SCAMP1: variants seen among roughly 807,000 people sequenced by gnomAD.
The protein encoded by SCAMP1 is secretory carrier membrane protein 1, also known as secretory carrier-associated membrane protein 1.
SCAMP1 carries 15 observed loss-of-function variants against 41.8 expected under a neutral mutation model. The ratio of observed to expected loss-of-function variants is 0.36; its 90% CI spans 0.24 to 0.55. The LOEUF (loss-of-function observed/expected upper bound fraction) is 0.55. Ranked by LOEUF, SCAMP1 falls within the 20% of genes least tolerant of loss-of-function variation. SCAMP1 has a pLI of 0.86. For missense variants in SCAMP1, 341 were observed against 412.6 expected, an observed-to-expected ratio of 0.83 and a Z score of 1.50; for synonymous variants, 135 against 136.8, an observed-to-expected ratio of 0.99 and a Z score of 0.09.
chr5:78,451,731 C>T (rs1753236105), intron 7 of SCAMP1, among the ~76,000 whole-genome samples: 1 of 152,202 alleles, frequency 6.6e-6, no homozygotes, highest in African/African-American at 2.4e-5. Context: ...GATCTCAGCT[C>T]ACTGCCTCCA....
chr5:78,433,388 A>G (rs1041805316), intron 6 of SCAMP1, among the ~76,000 whole-genome samples: 18 of 152,104 alleles, frequency 1.2e-4, no homozygotes, highest in Admixed American at 2.6e-4. Flanking sequence ...GTGAGATGGG[A>G]TAGCAAATCC....
chr5:78,469,851 C>T (rs1307088814), intron 8 of SCAMP1, among the ~76,000 whole-genome samples: 1 of 118,350 alleles, frequency 8.4e-6, no homozygotes, highest in Non-Finnish European at 1.7e-5. Context: ...TCAGCCTGGG[C>T]AACATAATGA....
In SCAMP1 at chr5:78,475,258, G is replaced by T. The variant is rs184772913; in HGVS notation, c.853-246G>T. 2.8e-3 allele frequency among the ~76,000 whole-genome samples: 428 copies of T among 152,136 alleles called. 12 individuals carry two copies. Among genetic ancestry groups the T allele is most frequent in the Non-Finnish European group, 7.8e-4 (53 of 68,004 alleles). ...ACAACTTTTTGAAGTTGGCTAAGAA[G>T]TTCTTTATTTTTGGTTTAAATTAGC... is the stretch of plus-strand genomic sequence containing the variant. On this transcript the variant is annotated intron_variant, in intron 8 of 8. Coordinates refer to ENST00000621999, the MANE Select transcript of SCAMP1 (RefSeq NM_004866.6).
At chr5:78,454,360 A>C (rs375813863) in intron 7 of SCAMP1, among the ~76,000 whole-genome samples, 3 of 152,292 alleles carry the variant, frequency 2.0e-5, no homozygotes, top group African/African-American at 7.2e-5. Flanking sequence ...ACGTCCCATC[A>C]ATACCTAATT....
chr5:78,430,148 A>G (rs199830256), intron 6 of SCAMP1, among the ~76,000 whole-genome samples: 5,233 of 20,958 alleles, frequency 0.25, 424 homozygotes, highest in East Asian at 0.43. Context: ...TACAGTATTT[A>G]TTTATAAATA....
At chr5:78,367,396 T>C (rs1750824642) in intron 1 of SCAMP1, among the ~76,000 whole-genome samples, 1 of 152,188 alleles carries the variant, frequency 6.6e-6, no homozygotes. Context: ...GTGGCTTCAG[T>C]CACCTGGTTT....
chr5:78,361,744 A>C (rs895880404), intron 1 of SCAMP1, among the ~76,000 whole-genome samples: 4 of 152,266 alleles, frequency 2.6e-5, no homozygotes, highest in African/African-American at 9.6e-5. Flanking sequence ...GGCCATGTGC[A>C]GTAGTAACTT....
rs1346847250 is a variant in SCAMP1 at position 78,390,827 on chromosome 5, G to A, written c.135+1913G>A. Among the ~76,000 whole-genome samples the A allele has an allele frequency of 5.5e-3, 831 of 149,862 alleles. 9 individuals carry two copies. The highest frequency in any genetic ancestry group is 0.019 in the African/African-American group (785 of 40,614). On this transcript the variant is annotated intron_variant, in intron 2 of 8. Coordinates refer to ENST00000621999, the MANE Select transcript of SCAMP1 (RefSeq NM_004866.6). ...TTCCGCAGTGTTTGTGTCCCTGGGT[G>A]CTTGAGATTAGGGAGTGGTGATGAC...
intron 2 of SCAMP1, among the ~76,000 whole-genome samples, chr5:78,399,014 T>G (rs1323747311): frequency 6.6e-6 from 1 of 152,214 alleles, no homozygotes; most frequent in Non-Finnish European, 1.5e-5. Flanking sequence ...ACTAATCTTT[T>G]TACTGTCTCC....
chr5:78,369,514 A>G (rs1750891627), intron 1 of SCAMP1, among the ~76,000 whole-genome samples: 1 of 152,240 alleles, frequency 6.6e-6, no homozygotes, highest in South Asian at 2.1e-4. Flanking sequence ...ACAGATCACC[A>G]TAGCAGACAT....
chr5:78,451,941 T>C (rs1351106838), intron 7 of SCAMP1, among the ~76,000 whole-genome samples: 2 of 152,186 alleles, frequency 1.3e-5, no homozygotes, highest in Non-Finnish European at 2.9e-5. Flanking sequence ...AAGCGTGAGC[T>C]ACCATGTCTG....
intron 2 of SCAMP1, among the ~76,000 whole-genome samples, chr5:78,389,473 T>TC (rs1751433216): frequency 6.6e-6 from 1 of 152,184 alleles, no homozygotes; most frequent in African/African-American, 2.4e-5. Context: ...TCTTCTATGT[T>TC]CCCCAGGCTG....
At chr5:78,415,061 C>G (rs953044892) in intron 2 of SCAMP1, among the ~76,000 whole-genome samples, 1 of 151,468 alleles carries the variant, frequency 6.6e-6, no homozygotes. Context: ...TCAAGTGATT[C>G]TCCTGCCTCA....
chr5:78,474,920 T>A (rs370574799), intron 8 of SCAMP1, among the ~76,000 whole-genome samples: 2 of 152,192 alleles, frequency 1.3e-5, no homozygotes, highest in African/African-American at 4.8e-5. Context: ...GGAGAAACAA[T>A]TCCCAGAAGT....
At chr5:78,449,476 G>C (rs1220609570) in intron 6 of SCAMP1, among the ~76,000 whole-genome samples, 1 of 152,184 alleles carries the variant, frequency 6.6e-6, no homozygotes, top group African/African-American at 2.4e-5. Context: ...ACAGTGGGTA[G>C]GGTGGGGCTA....
intron 6 of SCAMP1, among the ~76,000 whole-genome samples, chr5:78,446,070 C>A (rs763661970): frequency 3.3e-5 from 5 of 152,062 alleles, no homozygotes; most frequent in Admixed American, 6.6e-5. Context: ...TGCTTAATAT[C>A]TTTTATTTAG....
chr5:78,443,208 G>C (rs1752969412), intron 6 of SCAMP1, among the ~76,000 whole-genome samples: 2 of 77,268 alleles, frequency 2.6e-5, no homozygotes, highest in Non-Finnish European at 4.5e-5. Context: ...GCTAGACTCT[G>C]TCTCAAAAAA....
intron 1 of SCAMP1, among the ~76,000 whole-genome samples, chr5:78,369,573 C>T (rs374102597): frequency 3.9e-5 from 6 of 152,120 alleles, no homozygotes; most frequent in South Asian, 4.1e-4. Context: ...CGTAGTGTGA[C>T]GCTAGAGATG....
chr5:78,391,859 T>C (rs1022451133), intron 2 of SCAMP1, among the ~76,000 whole-genome samples: 4 of 151,970 alleles, frequency 2.6e-5, no homozygotes, highest in Non-Finnish European at 5.9e-5. Context: ...ATACAAAAAC[T>C]GGTCAGGCGT....
Sources: allele counts gnomAD v4.1 joint callset (sites outside exome capture counted in the v4.1 genomes callset), GRCh38; gene constraint gnomAD v4.1.1; transcripts MANE v1.5; gene names NCBI Gene and HGNC (gene_info 2026-07-23, HGNC 2026-07-21).